Variants in RTL9 observed in about 807,000 individuals in gnomAD.
RTL9 encodes retrotransposon Gag like 9, also known as retrotransposon Gag-like protein 9.
A neutral mutation model predicts 44.7 loss-of-function variants in RTL9; 19 were observed. The observed-to-expected ratio is 0.42, with a 90% CI of 0.30 to 0.62. The LOEUF is 0.62. RTL9 is among the 20% of genes least tolerant of loss of function. The pLI is 0.16. For synonymous variants in RTL9, 407 were observed against 398.9 expected (o/e 1.02, Z -0.24); for missense variants, 1,105 against 1,080.6 (o/e 1.02, Z -0.32).
At chrX:110,400,324 A>G (rs1002084266) in intron 1 of RTL9, among the ~76,000 whole-genome samples, 1 of 108,001 alleles carries the variant, frequency 9.3e-6, no homozygotes, top group Non-Finnish European at 1.9e-5. Context: ...TATTCACTTC[A>G]GTTGCCAAAA....
At chrX:110,436,325 T>C (rs1603010327) in intron 1 of RTL9, among the ~76,000 whole-genome samples, 1 of 111,567 alleles carries the variant, frequency 9.0e-6, no homozygotes, top group Non-Finnish European at 1.9e-5. Context: ...TTCACCAAGA[T>C]AGAATGCACT....
rs764636147 is a variant in RTL9 at position 110,433,842 on chromosome X, C to A, written c.-167-11311C>A. 5.3e-5 allele frequency among the ~76,000 whole-genome samples: 6 copies of A among 112,276 alleles called. 1 individual carries two copies. The South Asian group carries it at 2.2e-3, about 41-fold the overall frequency. On this transcript the variant is annotated intron_variant, in intron 1 of 3. Transcript: ENST00000465301. ...GACTTAGCAACTATTATTTTTATTT[C>A]CAGTTTACAAATGAGGAAACCAGTA...
chrX:110,426,196 T>C (rs1048205259), intron 1 of RTL9, among the ~76,000 whole-genome samples: 1 of 112,585 alleles, frequency 8.9e-6, no homozygotes, highest in Non-Finnish European at 1.9e-5. Context: ...AATGAGAATG[T>C]GTCTTTGATT....
At chrX:110,404,955 C>T (rs896946511) in intron 1 of RTL9, among the ~76,000 whole-genome samples, 2 of 111,459 alleles carry the variant, frequency 1.8e-5, no homozygotes, top group Admixed American at 9.5e-5. Context: ...TCTGTTGAAA[C>T]GGCCATTGTC....
intron 1 of RTL9, among the ~76,000 whole-genome samples, chrX:110,433,776 C>A (rs1194227574): frequency 1.8e-5 from 2 of 112,181 alleles, no homozygotes; most frequent in Non-Finnish European, 3.8e-5. Flanking sequence ...TCATTATCGG[C>A]ATATTATATA....
At chrX:110,414,507 T>C (rs2068663702), upstream of RTL9, among the ~76,000 whole-genome samples, 1 of 113,042 alleles carries the variant, frequency 8.8e-6, no homozygotes, top group African/African-American at 3.2e-5. Context: ...TTTCATTTAA[T>C]CCTGCCAGCA....
At chrX:110,408,552 G>A (rs1257284235) in intron 1 of RTL9, among the ~76,000 whole-genome samples, 46 of 112,008 alleles carry the variant, frequency 4.1e-4, no homozygotes, top group African/African-American at 1.5e-3. Context: ...AGCATAAAGG[G>A]TTTTGCTTCC....
chrX:110,361,886 G>T (rs2068265920), intron 1 of RTL9, among the ~76,000 whole-genome samples: 1 of 111,840 alleles, frequency 8.9e-6, no homozygotes, highest in African/African-American at 3.3e-5. Context: ...CTCTATCATT[G>T]TTATACAAAA....
chrX:110,359,401 C>G (rs2068248271), intron 1 of RTL9, among the ~76,000 whole-genome samples: 1 of 111,387 alleles, frequency 9.0e-6, no homozygotes, highest in South Asian at 3.8e-4. Context: ...ACGACATGCT[C>G]TTTTCATCTG....
At chrX:110,375,076 G>A (rs1309352419) in intron 1 of RTL9, among the ~76,000 whole-genome samples, 2 of 111,739 alleles carry the variant, frequency 1.8e-5, no homozygotes, top group East Asian at 5.6e-4. Flanking sequence ...TATATAGCAA[G>A]TAGGCAAGCT....
exon 1 of RTL9, chrX:110,452,439 T>C (rs745814677): frequency 1.7e-6 from 2 of 1,208,567 alleles, no homozygotes; most frequent in East Asian, 3.0e-5. Context: ...ACAAATGAGA[T>C]CTCTGGCCTC....
chrX:110,406,281 G>A (rs1298538223), intron 1 of RTL9, among the ~76,000 whole-genome samples: 6 of 94,098 alleles, frequency 6.4e-5, no homozygotes, highest in African/African-American at 1.6e-4. Flanking sequence ...CACAGGCCCC[G>A]GTGTGTGATG....
intron 1 of RTL9, among the ~76,000 whole-genome samples, chrX:110,359,523 C>T (rs1264987994): frequency 9.0e-6 from 1 of 111,713 alleles, no homozygotes; most frequent in East Asian, 2.8e-4. Context: ...CCTGAAGTCT[C>T]ACACAACCAT....
chrX:110,421,314 A>T (rs921594174), intron 1 of RTL9, among the ~76,000 whole-genome samples: 2 of 112,615 alleles, frequency 1.8e-5, no homozygotes, highest in African/African-American at 6.5e-5. Flanking sequence ...GGAGTTGTAC[A>T]CCCTAGTGGC....
intron 1 of RTL9, among the ~76,000 whole-genome samples, chrX:110,388,898 G>C (rs917794491): frequency 8.9e-6 from 1 of 112,506 alleles, no homozygotes; most frequent in Non-Finnish European, 1.9e-5. Flanking sequence ...AGTGGGGAGA[G>C]TGTGAACTGG....
intron 1 of RTL9, among the ~76,000 whole-genome samples, chrX:110,378,501 A>G (rs893822800): frequency 2.1e-4 from 23 of 112,132 alleles, no homozygotes; most frequent in Admixed American, 1.0e-3. Context: ...GTAACGTACT[A>G]GCTCCTCATC....
intron 1 of RTL9, among the ~76,000 whole-genome samples, chrX:110,386,808 C>G (rs2068458499): frequency 8.9e-6 from 1 of 112,420 alleles, no homozygotes; most frequent in Admixed American, 9.4e-5. Flanking sequence ...CAAGCTTCTC[C>G]TCTGTGCCAG....
At chrX:110,402,310 C>T (rs2068570673) in intron 1 of RTL9, among the ~76,000 whole-genome samples, 1 of 113,092 alleles carries the variant, frequency 8.8e-6, no homozygotes, top group Non-Finnish European at 1.9e-5. Flanking sequence ...ATGCCAGAAA[C>T]CGTCATGGTC....
At chrX:110,453,792 C>A in exon 1 of RTL9, 1 of 1,211,352 alleles carries the variant, frequency 8.3e-7, no homozygotes, top group Non-Finnish European at 1.1e-6. Context: ...TATGTCCATG[C>A]CACAAATGAC....
Sources: allele counts gnomAD v4.1 joint callset (sites outside exome capture counted in the v4.1 genomes callset), GRCh38; gene constraint gnomAD v4.1.1; transcripts MANE v1.5; gene names NCBI Gene and HGNC (gene_info 2026-07-23, HGNC 2026-07-21).